HEATR4: variants seen among roughly 807,000 people sequenced by gnomAD.
HEATR4 encodes HEAT repeat containing 4.
HEATR4 carries 95 observed loss-of-function variants against 108.8 expected under a neutral mutation model. The ratio of observed to expected loss-of-function variants is 0.87; its 90% CI spans 0.74 to 1.04. The LOEUF is 1.04. Among genes scored for constraint, HEATR4 ranks in the 50% least tolerant of loss-of-function variants. HEATR4 has a pLI of 0.00. For missense variants in HEATR4, 1,152 were observed against 1,253.8 expected, an observed-to-expected ratio of 0.92 and a Z score of 1.23; for synonymous variants, 443 against 459.4, an observed-to-expected ratio of 0.96 and a Z score of 0.46.
intron 2 of HEATR4, among the ~76,000 whole-genome samples, chr14:73,527,745 A>G (rs547651084): frequency 6.6e-6 from 1 of 152,086 alleles, no homozygotes; most frequent in Admixed American, 6.6e-5. Context: ...TGGGAGGCCA[A>G]GGCAGGTGGA....
At chr14:73,624,437 T>A in the HEATR4 span, among the ~76,000 whole-genome samples, 22 of 152,064 alleles carry the variant, frequency 1.4e-4, no homozygotes, top group East Asian at 1.9e-3. Flanking sequence ...CCCAAAAAAA[T>A]TTTTTTAAAT....
chr14:73,621,666 A>G, the HEATR4 span, among the ~76,000 whole-genome samples: 7 of 152,172 alleles, frequency 4.6e-5, no homozygotes, highest in Non-Finnish European at 8.8e-5. Context: ...TTAACAATGA[A>G]AAGTTCCTTA....
the HEATR4 span, among the ~76,000 whole-genome samples, chr14:73,630,023 C>CA: frequency 0.013 from 1,863 of 141,438 alleles, 45 homozygotes; most frequent in African/African-American, 0.046. Flanking sequence ...GACACCATCT[C>CA]AAAAAAAATA....
upstream of HEATR4, among the ~76,000 whole-genome samples, chr14:73,559,193 G>A (rs564817724): frequency 1.9e-4 from 29 of 151,896 alleles, no homozygotes; most frequent in African/African-American, 6.5e-4. Flanking sequence ...GAGTGCAGTG[G>A]TGCGATCTCG....
rs1887943206 is a variant in HEATR4, at chr14:73,521,011, T to A, written c.910A>T (p.Thr304Ser). 6.2e-7 allele frequency: 1 copy of A among 1,613,348 alleles called. No homozygotes were observed. The highest frequency in any genetic ancestry group is 8.5e-7 in the Non-Finnish European group (1 of 1,179,950). The change falls in exon 4 of 18, where the codon ACA (threonine) becomes TCA (serine). Residue 304 changes from threonine to serine, a missense_variant. Coordinates refer to ENST00000553558, the MANE Select transcript of HEATR4 (RefSeq NM_001220484.1). ...RLPSYFQQAE[T>S]VEIMPGNKST... ...TTGTTGCCAGGCATGATCTCAACTGTCTCTGCTTGTTGGAAGTAACTGGGC... is the reference window on the plus strand; with the variant it reads ...TTGTTGCCAGGCATGATCTCAACTGACTCTGCTTGTTGGAAGTAACTGGGC...
At chr14:73,503,107 A>C (rs1886581479) in intron 10 of HEATR4, 94 bp from the exon 11 acceptor site, 1 of 970,406 alleles carries the variant, frequency 1.0e-6, no homozygotes, top group Non-Finnish European at 1.6e-6. Context: ...TTTACTCATC[A>C]CTGTACTAAT....
At chr14:73,490,845 C>T in intron 17 of HEATR4, 1 of 621,148 alleles carries the variant, frequency 1.6e-6, no homozygotes, top group Non-Finnish European at 2.3e-6. Flanking sequence ...TGAAGCCAAA[C>T]ATTTAATGAA....
intron 17 of HEATR4, among the ~76,000 whole-genome samples, chr14:73,485,662 A>G (rs1435293101): frequency 6.6e-6 from 1 of 152,124 alleles, no homozygotes; most frequent in Non-Finnish European, 1.5e-5. Context: ...CACTTAGGGC[A>G]AGGAGTTCAA....
the HEATR4 span, among the ~76,000 whole-genome samples, chr14:73,626,116 G>C: frequency 6.6e-6 from 1 of 152,176 alleles, no homozygotes; most frequent in Non-Finnish European, 1.5e-5. Context: ...AAGTTTTAGT[G>C]GTCTGGATAG....
chr14:73,579,289 A>C, the HEATR4 span, among the ~76,000 whole-genome samples: 6 of 84,474 alleles, frequency 7.1e-5, no homozygotes, highest in East Asian at 4.3e-4. Context: ...AAAAAAAAAA[A>C]AAAAACGCTG....
At chr14:73,490,725 G>T (rs1885652203) in intron 17 of HEATR4, among the ~76,000 whole-genome samples, 1 of 152,238 alleles carries the variant, frequency 6.6e-6, no homozygotes, top group Non-Finnish European at 1.5e-5. Context: ...AAAGTGCTAG[G>T]ATTACAGTCG....
At chr14:73,585,209 C>T in the HEATR4 span, among the ~76,000 whole-genome samples, 1 of 152,158 alleles carries the variant, frequency 6.6e-6, no homozygotes, top group Non-Finnish European at 1.5e-5. Context: ...CACCTTGTCT[C>T]GCTCATCTGC....
At chr14:73,512,406 G>A (rs1006591211) in intron 6 of HEATR4, among the ~76,000 whole-genome samples, 8 of 151,996 alleles carry the variant, frequency 5.3e-5, no homozygotes, top group Non-Finnish European at 8.8e-5. Flanking sequence ...ATCACTTTTC[G>A]TTGTAACCAT....
chr14:73,574,465 G>A, the HEATR4 span: 4 of 281,384 alleles, frequency 1.4e-5, no homozygotes, highest in African/African-American at 8.8e-5. Context: ...GTTTCACCAT[G>A]TTGGCCAGAC....
At chr14:73,607,356 C>T in the HEATR4 span, among the ~76,000 whole-genome samples, 5 of 152,134 alleles carry the variant, frequency 3.3e-5, no homozygotes, top group Non-Finnish European at 1.5e-5. Flanking sequence ...ACCTTGGCCC[C>T]TTTTAGCCAG....
At position 73,495,259 on chromosome 14, in the gene HEATR4, T is replaced by C; in HGVS notation, c.2754A>G (p.Thr918=). ...LKPKGEQGPL[T]LQTLLQETFQ... is the part of the protein sequence containing the mutation. Reference sequence around the variant, plus strand: ...AAGTTTCTTGGAGTAAAGTCTGGAGTGTTAGTGGTCCTTGTTCTCCTTTGG... The same window carrying C: ...AAGTTTCTTGGAGTAAAGTCTGGAGCGTTAGTGGTCCTTGTTCTCCTTTGG... Residue 918 remains threonine (T), a synonymous_variant, in exon 16 of 18, where the codon ACA becomes ACG. Coordinates refer to ENST00000553558, the MANE Select transcript of HEATR4 (RefSeq NM_001220484.1). The C allele has an allele frequency of 6.2e-7, 1 of 1,613,846 alleles. No homozygotes were observed.
the HEATR4 span, among the ~76,000 whole-genome samples, chr14:73,614,048 A>AAC: frequency 1.1e-3 from 156 of 143,894 alleles, 1 homozygote; most frequent in African/African-American, 3.5e-3. Flanking sequence ...AAAAAAAAAA[A>AAC]AAATTAGGCA....
At chr14:73,512,298 T>C (rs1887317196) in intron 6 of HEATR4, 149 bp from the exon 7 acceptor site, 1 of 843,216 alleles carries the variant, frequency 1.2e-6, no homozygotes, top group Admixed American at 2.9e-5. Context: ...AGATGGGGTC[T>C]TTAGGGAGTT....
chr14:73,519,004 C>G lies in HEATR4; in HGVS notation c.1210+19G>C. 1.2e-6 allele frequency: 2 copies of G among 1,604,846 alleles called. No homozygotes were observed. The highest frequency in any genetic ancestry group is 1.7e-5 in the Admixed American group (1 of 59,210). On this transcript the variant is annotated intron_variant, in intron 5 of 17. Transcript: ENST00000553558. ...TTCCCGTTATTAACCCCTGCCTTCCCTGTTAGCTTCCTGCTTACATGCTTC... is the reference window on the plus strand; with the variant it reads ...TTCCCGTTATTAACCCCTGCCTTCCGTGTTAGCTTCCTGCTTACATGCTTC...
Sources: gnomAD v4.1 joint callset for allele counts (sites outside exome capture counted in the v4.1 genomes callset) on GRCh38, gnomAD v4.1.1 for gene constraint, MANE v1.5 for transcripts, NCBI Gene and HGNC (gene_info 2026-07-23, HGNC 2026-07-21) for gene names.